The following DPP6 variants were observed in gnomAD, a reference collection of about 807,000 sequenced individuals.
DPP6 encodes the protein dipeptidyl peptidase like 6.
Under a neutral mutation model 122.6 loss-of-function variants are expected in DPP6, and 69 were observed. That is an observed-to-expected ratio of 0.56 (90% CI 0.46 to 0.69). The LOEUF (loss-of-function observed/expected upper bound fraction) is 0.69. Ranked by LOEUF, DPP6 falls within the 30% of genes least tolerant of loss-of-function variation. The probability of loss-of-function intolerance (pLI) is 0.00; values close to 1 mark genes in which losing one functional copy is unlikely to be tolerated. For synonymous variants in DPP6, 418 were observed against 433.1 expected, an observed-to-expected ratio of 0.97 and a Z score of 0.43; for missense variants, 928 against 1,116.9, an observed-to-expected ratio of 0.83 and a Z score of 2.41.
intron 5 of DPP6, among the ~76,000 whole-genome samples, chr7:154,610,871 A>C (rs1833873228): frequency 6.6e-6 from 1 of 152,116 alleles, no homozygotes. Context: ...CCAGCATTTT[A>C]TGTGGTGCTA....
At chr7:153,749,105 A>C in the DPP6 span, among the ~76,000 whole-genome samples, 1 of 151,974 alleles carries the variant, frequency 6.6e-6, no homozygotes, top group African/African-American at 2.4e-5. The surrounding 1 kb of genome is among the most constrained non-coding windows in gnomAD (Gnocchi z 4.1). Context: ...AGGTTTGTGG[A>C]GGGAGTGTGA....
intron 3 of DPP6, among the ~76,000 whole-genome samples, chr7:154,530,202 C>T (rs1049692997): frequency 1.1e-4 from 17 of 151,574 alleles, no homozygotes; most frequent in East Asian, 9.7e-4. Flanking sequence ...GTTTTTAGTG[C>T]GTCAGAGGCC....
chr7:154,114,713 A>C (rs1806851610), intron 1 of DPP6, among the ~76,000 whole-genome samples: 1 of 152,176 alleles, frequency 6.6e-6, no homozygotes, highest in Non-Finnish European at 1.5e-5. Context: ...TGATGTTATA[A>C]TTAATCTTCC....
intron 3 of DPP6, among the ~76,000 whole-genome samples, chr7:154,507,542 G>A (rs1825756889): frequency 1.3e-5 from 2 of 152,300 alleles, no homozygotes; most frequent in South Asian, 4.1e-4. Flanking sequence ...TTGGAGAGGT[G>A]ATTTGAAAAT....
chr7:154,343,060 A>T (rs2151064289), intron 1 of DPP6, among the ~76,000 whole-genome samples: 1 of 152,336 alleles, frequency 6.6e-6, no homozygotes, highest in African/African-American at 2.4e-5. Flanking sequence ...GCTGAAAATG[A>T]CTTGACCGTA....
rs1417625037 is a variant in DPP6, at chr7:154,483,943, T to C, written c.457+8906T>C. On this transcript the variant is annotated intron_variant, in intron 3 of 25. Coordinates refer to ENST00000377770, the MANE Select transcript of DPP6 (RefSeq NM_130797.4). The surrounding 1 kb of genome is among the most constrained non-coding windows in gnomAD (Gnocchi z 8.1). ...CTCCTGACCTCGTGATCTGCCCGCC[T>C]CAGCCTCCCAAAGTGTTGGGATTAC... Among the ~76,000 whole-genome samples the C allele has an allele frequency of 6.6e-6, 1 of 152,190 alleles. No homozygotes were observed. Among genetic ancestry groups the C allele is most frequent in the Non-Finnish European group, 1.5e-5 (1 of 68,018 alleles).
At chr7:154,343,028 T>C (rs1451899658) in intron 1 of DPP6, among the ~76,000 whole-genome samples, 2 of 152,210 alleles carry the variant, frequency 1.3e-5, no homozygotes, top group Admixed American at 6.5e-5. Flanking sequence ...CTAACCAAGG[T>C]ACAGCAAGAT....
chr7:153,919,869 A>G (rs6980141), intron 1 of DPP6, among the ~76,000 whole-genome samples: 3,395 of 152,334 alleles, frequency 0.022, 50 homozygotes, highest in Middle Eastern at 0.044. Flanking sequence ...ATTTATTACA[A>G]ATGTGAGTTG....
chr7:154,893,200 T>TGTTTG lies in DPP6; in HGVS notation c.*721_*722insTTTGG, dbSNP rs56660570. The TGTTTG allele has an allele frequency of 0.39, 110,189 of 283,072 alleles. 22,642 individuals carry two copies. The highest frequency in any genetic ancestry group is 0.52 in the Admixed American group (10,526 of 20,396). The allele number at this position is 283,072 out of a possible 1,614,324, so 17.5% of individuals were successfully genotyped here. A position where few individuals can be genotyped will look rare whatever the true frequency, so the allele number is the denominator to read the frequency against. ...CCAGTCCACGTGTAGACTTTGCGCT[T>TGTTTG]GATGAAGAAGCAGATCGGAAGTAAC... On this transcript the variant is annotated 3_prime_UTR_variant, in exon 26 of 26. Transcript: ENST00000377770.
chr7:153,960,663 G>GCGGGTGTGTATGTGTGTA (rs1207336340), intron 1 of DPP6, among the ~76,000 whole-genome samples: 2 of 99,578 alleles, frequency 2.0e-5, no homozygotes, highest in Admixed American at 2.5e-4. Flanking sequence ...GCATGTGTGT[G>GCGGGTGTGTATGTGTGTA]CGGGTGTGTA....
In DPP6 at chr7:154,766,786, A is replaced by G. The variant is rs148218835; in HGVS notation, c.884-2631A>G. Among the ~76,000 whole-genome samples the G allele has an allele frequency of 9.4e-4, 143 of 152,272 alleles. 2 individuals carry two copies. In the South Asian group the frequency reaches 0.011, roughly 11 times the overall value. On this transcript the variant is annotated intron_variant, in intron 8 of 25. Transcript: ENST00000377770. ...ACATTTTTTTCAGTCTCTTGTCCCA[A>G]CAAGCATGACCCACTTTGGACTGTG...
chr7:154,392,347 C>T (rs921885264), intron 1 of DPP6, among the ~76,000 whole-genome samples: 12 of 152,318 alleles, frequency 7.9e-5, no homozygotes, highest in African/African-American at 2.6e-4. Context: ...AGTGATTTAA[C>T]CTGAACCCAT....
At chr7:154,112,750 A>G (rs1471429449) in intron 1 of DPP6, among the ~76,000 whole-genome samples, 1 of 152,024 alleles carries the variant, frequency 6.6e-6, no homozygotes, top group Non-Finnish European at 1.5e-5. Context: ...TTTTTTTGTG[A>G]TAAGAACACT....
chr7:153,903,101 G>T (rs1288424425), intron 1 of DPP6, among the ~76,000 whole-genome samples: 2 of 152,150 alleles, frequency 1.3e-5, no homozygotes, highest in East Asian at 3.9e-4. Context: ...CCAAAATTGA[G>T]GATCAGGAGA....
chr7:154,388,238 G>A (rs1412079155), intron 1 of DPP6, among the ~76,000 whole-genome samples: 2 of 152,138 alleles, frequency 1.3e-5, no homozygotes, highest in Non-Finnish European at 2.9e-5. Flanking sequence ...GAAAGGTCGA[G>A]CTGTAATCAC....
At chr7:153,871,730 C>A in the DPP6 span, among the ~76,000 whole-genome samples, 1 of 152,172 alleles carries the variant, frequency 6.6e-6, no homozygotes, top group African/African-American at 2.4e-5. Flanking sequence ...AAATCACCCA[C>A]CTTCTGCGTC....
chr7:154,137,667 T>TGGGGGGGGGGGGGGGGGGGG (rs1563237188), intron 1 of DPP6, among the ~76,000 whole-genome samples: 3 of 29,252 alleles, frequency 1.0e-4, no homozygotes, highest in Admixed American at 7.0e-4. Context: ...GTGGGGGGGG[T>TGGGGGGGGGGGGGGGGGGGG]GGGGCGAGCT....
At chr7:153,867,330 T>C in the DPP6 span, among the ~76,000 whole-genome samples, 4 of 152,128 alleles carry the variant, frequency 2.6e-5, no homozygotes, top group East Asian at 1.9e-4. Flanking sequence ...TTTCATTGAG[T>C]AGTGGTTTGT....
At chr7:154,875,000 A>G (rs998574806) in intron 19 of DPP6, among the ~76,000 whole-genome samples, 2 of 152,178 alleles carry the variant, frequency 1.3e-5, no homozygotes, top group African/African-American at 4.8e-5. Flanking sequence ...TTTGGAAGGC[A>G]AAAGTGGGAG....
Sources: gnomAD v4.1 joint callset for allele counts (sites outside exome capture counted in the v4.1 genomes callset) on GRCh38, gnomAD v4.1.1 for gene constraint, Gnocchi (gnomAD v3.1) non-coding constraint, MANE v1.5 for transcripts, NCBI Gene and HGNC (gene_info 2026-07-23, HGNC 2026-07-21) for gene names.